The following WDR17 variants were observed in gnomAD, a reference collection of about 807,000 sequenced individuals.
WDR17 encodes WD repeat domain 17, also known as WD repeat-containing protein 17.
WDR17 carries 143 observed loss-of-function variants against 161.7 expected under a neutral mutation model. That is an observed-to-expected ratio of 0.88 (90% CI 0.77 to 1.02). The LOEUF (loss-of-function observed/expected upper bound fraction) is 1.02, where lower values mean the gene tolerates loss of function less well. Ranked by LOEUF, WDR17 falls within the 50% of genes least tolerant of loss-of-function variation. WDR17 has a pLI of 0.00. For missense variants in WDR17, 1,469 were observed against 1,520.9 expected (o/e 0.97, Z 0.57); for synonymous variants, 517 against 515.6 (o/e 1.00, Z -0.04).
chr4:176,133,885 C>T (rs1443080442), intron 7 of WDR17, among the ~76,000 whole-genome samples: 1 of 151,728 alleles, frequency 6.6e-6, no homozygotes, highest in Non-Finnish European at 1.5e-5. Flanking sequence ...GTCTTACTCA[C>T]CTTCCTTTTG....
At chr4:176,067,670 C>T (rs1027019443) in intron 1 of WDR17, among the ~76,000 whole-genome samples, 5 of 152,128 alleles carry the variant, frequency 3.3e-5, no homozygotes, top group African/African-American at 1.2e-4. Flanking sequence ...GATTAGAAAG[C>T]CATAAATTAA....
intron 4 of WDR17, among the ~76,000 whole-genome samples, chr4:176,124,424 G>A (rs1742113933): frequency 6.6e-6 from 1 of 152,130 alleles, no homozygotes; most frequent in Non-Finnish European, 1.5e-5. Flanking sequence ...TATACTACTG[G>A]TTGGGTGTGA....
intron 11 of WDR17, among the ~76,000 whole-genome samples, chr4:176,144,480 T>A (rs1033093084): frequency 3.3e-5 from 5 of 152,210 alleles, no homozygotes; most frequent in African/African-American, 7.2e-5. Context: ...TGAATAGAAT[T>A]ACCTTGTATC....
intron 20 of WDR17, among the ~76,000 whole-genome samples, chr4:176,161,816 G>A (rs973895996): frequency 6.6e-6 from 1 of 152,106 alleles, no homozygotes; most frequent in Non-Finnish European, 1.5e-5. Flanking sequence ...ATCATAAATT[G>A]TCCAATGCAG....
At position 176,123,612 on chromosome 4, in the gene WDR17, A is replaced by G. The variant is rs542239118; in HGVS notation, c.539-1492A>G. Among the ~76,000 whole-genome samples the G allele has an allele frequency of 7.2e-5, 11 of 152,334 alleles. No homozygotes were observed. The South Asian group carries it at 2.3e-3, about 32-fold the overall frequency. On this transcript the variant is annotated intron_variant, in intron 4 of 28. Coordinates refer to ENST00000508596, the MANE Select transcript of WDR17 (RefSeq NM_181265.4). Reference sequence around the variant, plus strand: ...ATTATAAAGAATATTACAAGGATACAAATGAAAAGATGAAAAGGGCAAGGC... The same window carrying G: ...ATTATAAAGAATATTACAAGGATACGAATGAAAAGATGAAAAGGGCAAGGC...
At chr4:176,157,724 A>G (rs1224009094) in intron 18 of WDR17, among the ~76,000 whole-genome samples, 2 of 152,382 alleles carry the variant, frequency 1.3e-5, no homozygotes, top group East Asian at 3.8e-4. Flanking sequence ...TTTGTATTCT[A>G]TGTGATTATT....
At chr4:176,164,006 A>G (rs1233110052) in intron 22 of WDR17, among the ~76,000 whole-genome samples, 2 of 152,220 alleles carry the variant, frequency 1.3e-5, no homozygotes, top group Non-Finnish European at 2.9e-5. Context: ...TATCAGGACT[A>G]TGACCTTTCC....
At chr4:176,091,598 A>G (rs1481072060) in intron 1 of WDR17, among the ~76,000 whole-genome samples, 1 of 152,174 alleles carries the variant, frequency 6.6e-6, no homozygotes, top group Admixed American at 6.5e-5. Context: ...TAAAAGCAAG[A>G]GCAAACCAAA....
At chr4:176,163,065 C>A in intron 21 of WDR17, 89 bp from the exon 22 acceptor site, 1 of 1,480,430 alleles carries the variant, frequency 6.8e-7, no homozygotes, top group Non-Finnish European at 9.4e-7. Context: ...TAGGTTAATA[C>A]TGCTTTATCT....
rs1436393920 is a variant in WDR17 at position 176,181,571 on chromosome 4, A to T, written c.*1992A>T. The T allele has an allele frequency of 5.1e-6, 1 of 195,516 alleles. No homozygotes were observed. Among genetic ancestry groups the T allele is most frequent in the Non-Finnish European group, 1.0e-5 (1 of 98,938 alleles). The allele number at this position is 195,516 out of a possible 1,614,324, so 12.1% of individuals were successfully genotyped here. A position where few individuals can be genotyped will look rare whatever the true frequency, so the allele number is the denominator to read the frequency against. ...AAGAGTACCTGAGATGTATTTTTTT[A>T]AACTCTTAGAGATATCTGTAACTCA... On this transcript the variant is annotated 3_prime_UTR_variant, in exon 29 of 29. Transcript: ENST00000508596.
Position 176,139,993 on chromosome 4 carries a change from A to G in WDR17, c.1442+19A>G. 1.3e-6 allele frequency: 2 copies of G among 1,570,118 alleles called. No homozygotes were observed. Among genetic ancestry groups the G allele is most frequent in the East Asian group, 2.2e-5 (1 of 44,458 alleles). On this transcript the variant is annotated intron_variant, in intron 10 of 28. Transcript: ENST00000508596. ...GTTTCTGGTAAGTACTATGTATGAT[A>G]CATGATATGAAATTACACTGTTTAT...
At chr4:176,177,286 G>C (rs1751582956) in intron 27 of WDR17, 130 bp downstream of exon 27, 2 of 992,110 alleles carry the variant, frequency 2.0e-6, no homozygotes, top group African/African-American at 3.3e-5. Flanking sequence ...CATATATGCA[G>C]TAATAATTTA....
chr4:176,135,417 T>G, intron 8 of WDR17, 141 bp downstream of exon 8: 1 of 995,008 alleles, frequency 1.0e-6, no homozygotes, highest in Non-Finnish European at 1.5e-6. Flanking sequence ...TATTTGTTGA[T>G]TCTCTTTTTG....
At chr4:176,110,067 C>T (rs1037961446) in intron 1 of WDR17, among the ~76,000 whole-genome samples, 1 of 151,968 alleles carries the variant, frequency 6.6e-6, no homozygotes, top group African/African-American at 2.4e-5. Flanking sequence ...TTGAATTTAC[C>T]TGGTGTAACT....
intron 1 of WDR17, among the ~76,000 whole-genome samples, chr4:176,075,749 G>A (rs568491902): frequency 9.9e-5 from 15 of 152,166 alleles, no homozygotes; most frequent in Admixed American, 3.3e-4. Flanking sequence ...TGAGGCAGGA[G>A]GGTCACTTGA....
intron 1 of WDR17, among the ~76,000 whole-genome samples, chr4:176,067,052 C>T (rs1732622221): frequency 6.6e-6 from 1 of 152,198 alleles, no homozygotes; most frequent in African/African-American, 2.4e-5. Flanking sequence ...TATGCCTTAT[C>T]ATTACCCTGC....
chr4:176,131,312 T>C lies in WDR17; in HGVS notation c.914-242T>C, dbSNP rs377398606. Among the ~76,000 whole-genome samples, 3 of 152,302 alleles carry C rather than the reference T, an allele frequency of 2.0e-5. No individual in the cohort carries two copies. The East Asian group carries it at 5.8e-4, about 29-fold the overall frequency. On this transcript the variant is annotated intron_variant, in intron 6 of 28. Transcript: ENST00000508596. ...AAGAAACCACATATTCACAACAGAT[T>C]GTGATTCCTCAACACACTAATTTTC...
chr4:176,072,521 C>A (rs944401623), intron 1 of WDR17, among the ~76,000 whole-genome samples: 11 of 152,148 alleles, frequency 7.2e-5, no homozygotes, highest in Non-Finnish European at 1.5e-4. Flanking sequence ...CCTATTTATT[C>A]TTGATAATGT....
At chr4:176,089,096 G>A (rs1036848669) in intron 1 of WDR17, among the ~76,000 whole-genome samples, 17 of 152,130 alleles carry the variant, frequency 1.1e-4, no homozygotes, top group African/African-American at 4.1e-4. Context: ...ATATTAGAAA[G>A]CACTGCTGTG....
Sources: allele counts gnomAD v4.1 joint callset (sites outside exome capture counted in the v4.1 genomes callset), GRCh38; gene constraint gnomAD v4.1.1; transcripts MANE v1.5; gene names NCBI Gene and HGNC (gene_info 2026-07-23, HGNC 2026-07-21).